The following CAP1 variants were observed in gnomAD, a reference collection of about 807,000 sequenced individuals.
CAP1 encodes the protein cyclase associated actin cytoskeleton regulatory protein 1, also known as adenylyl cyclase-associated protein 1.
CAP1 carries 11 observed loss-of-function variants against 58.2 expected under a neutral mutation model. That is an observed-to-expected ratio of 0.19 (90% CI 0.12 to 0.31). CAP1 has a LOEUF of 0.31. Ranked by LOEUF, CAP1 falls within the 10% of genes least tolerant of loss-of-function variation. The pLI is 1.00. For synonymous variants in CAP1, 183 were observed against 213.8 expected (o/e 0.86, Z 1.26); for missense variants, 423 against 587.5 (o/e 0.72, Z 2.89).
At chr1:40,049,099 T>C (rs1295713587) in intron 1 of CAP1, among the ~76,000 whole-genome samples, 2 of 151,338 alleles carry the variant, frequency 1.3e-5, no homozygotes, top group African/African-American at 2.4e-5. Context: ...CTTCCTTGAA[T>C]AGGCAGAAGG....
At chr1:40,054,368 G>A (rs552170948) in intron 1 of CAP1, among the ~76,000 whole-genome samples, 2 of 151,904 alleles carry the variant, frequency 1.3e-5, no homozygotes, top group African/African-American at 4.8e-5. Context: ...GTAGAGACGA[G>A]GTTTCACTGT....
At chr1:40,047,923 C>T (rs139482336) in intron 1 of CAP1, among the ~76,000 whole-genome samples, 1 of 152,114 alleles carries the variant, frequency 6.6e-6, no homozygotes, top group Admixed American at 6.6e-5. Context: ...AGAAGATAGG[C>T]CTTTCTTTTA....
intron 1 of CAP1, among the ~76,000 whole-genome samples, chr1:40,055,343 C>T (rs1390696309): frequency 6.6e-6 from 1 of 151,814 alleles, no homozygotes; most frequent in Non-Finnish European, 1.5e-5. Context: ...AATATCATAT[C>T]TTAAATGCAA....
intron 1 of CAP1, among the ~76,000 whole-genome samples, chr1:40,047,632 T>G (rs1436609180): frequency 6.6e-6 from 1 of 152,224 alleles, no homozygotes; most frequent in Non-Finnish European, 1.5e-5. Flanking sequence ...AATCAGCCAA[T>G]GCAGTTTTCC....
At chr1:40,067,822 G>GAGTCTCC in intron 8 of CAP1, 105 bp downstream of exon 8, 2 of 781,296 alleles carry the variant, frequency 2.6e-6, no homozygotes, top group Non-Finnish European at 4.1e-6. Context: ...GTGTGGTGGA[G>GAGTCTCC]ACTCGTTTGG....
chr1:40,052,401 T>G (rs2124257848), intron 1 of CAP1, among the ~76,000 whole-genome samples: 1 of 152,332 alleles, frequency 6.6e-6, no homozygotes, highest in South Asian at 2.1e-4. Context: ...CTGAAGCTTT[T>G]ATGATGAATG....
In CAP1 at chr1:40,056,323, G is replaced by T. The variant is rs188155878; in HGVS notation, c.-10-3014G>T. 7.0e-3 allele frequency among the ~76,000 whole-genome samples: 1,059 copies of T among 150,948 alleles called. 10 individuals carry two copies. The highest frequency in any genetic ancestry group is 0.03 in the South Asian group (143 of 4,772). The stretch of plus-strand genomic sequence containing the variant: ...GGATTTTTTTTTTTTTGGAGACAGG[G>T]TCTCACTCTGTCACCCAGGCTGGAG... On this transcript the variant is annotated intron_variant, in intron 1 of 12. Coordinates refer to ENST00000372805, the MANE Select transcript of CAP1 (RefSeq NM_006367.4).
intron 1 of CAP1, chr1:40,057,548 A>G (rs1570386282): frequency 6.6e-6 from 1 of 151,648 alleles, no homozygotes; most frequent in East Asian, 1.9e-4. Flanking sequence ...TTTAAACAAC[A>G]CTCTCTGACA....
At chr1:40,055,674 A>AT (rs1239925465) in intron 1 of CAP1, among the ~76,000 whole-genome samples, 1 of 152,022 alleles carries the variant, frequency 6.6e-6, no homozygotes, top group Admixed American at 6.6e-5. Flanking sequence ...GCTTGGAAAA[A>AT]TTTTAAATTA....
At chr1:40,049,178 A>ATTTTTTTTTTTTTTTTTTTTTT (rs72214452) in intron 1 of CAP1, among the ~76,000 whole-genome samples, 13 of 84,886 alleles carry the variant, frequency 1.5e-4, no homozygotes, top group Admixed American at 1.7e-4. Flanking sequence ...GCCATTTCTA[A>ATTTTTTTTTTTTTTTTTTTTTT]TTTTTTTTTT....
At chr1:40,067,453 T>A (rs946736425) in intron 7 of CAP1, 87 bp from the exon 8 acceptor site, 1 of 1,175,302 alleles carries the variant, frequency 8.5e-7, no homozygotes, top group Non-Finnish European at 1.2e-6. Context: ...GGGGACCCCA[T>A]GTGCACTGGC....
intron 8 of CAP1, among the ~76,000 whole-genome samples, chr1:40,068,285 T>G (rs1407969507): frequency 1.3e-5 from 2 of 152,184 alleles, no homozygotes; most frequent in Non-Finnish European, 2.9e-5. Context: ...TTTTTTATTT[T>G]TTTTGAGACG....
intron 1 of CAP1, among the ~76,000 whole-genome samples, chr1:40,055,478 A>G (rs1646572793): frequency 6.6e-6 from 1 of 152,210 alleles, no homozygotes; most frequent in Admixed American, 6.5e-5. Context: ...GAGACTAGCC[A>G]AGAAGTCATT....
intron 8 of CAP1, among the ~76,000 whole-genome samples, chr1:40,069,353 T>G (rs1295734672): frequency 6.6e-6 from 1 of 151,992 alleles, no homozygotes; most frequent in Non-Finnish European, 1.5e-5. Context: ...TTACCAAATT[T>G]TCTTTACTAC....
At chr1:40,043,619 G>A (rs1216806926) in intron 1 of CAP1, among the ~76,000 whole-genome samples, 1 of 152,186 alleles carries the variant, frequency 6.6e-6, no homozygotes, top group East Asian at 1.9e-4. Context: ...ACTCACGCCT[G>A]TAATCCTGAC....
At chr1:40,057,917 C>A (rs1646685345) in intron 1 of CAP1, among the ~76,000 whole-genome samples, 1 of 152,168 alleles carries the variant, frequency 6.6e-6, no homozygotes, top group Non-Finnish European at 1.5e-5. Context: ...GTGCATTGAT[C>A]ATATTTTACA....
At chr1:40,069,445 G>T in intron 8 of CAP1, 1 of 381,586 alleles carries the variant, frequency 2.6e-6, no homozygotes, top group Non-Finnish European at 4.7e-6. Context: ...AGAGGATAAG[G>T]ATTTACATAT....
At chr1:40,053,467 TG>T (rs1426609638) in intron 1 of CAP1, among the ~76,000 whole-genome samples, 1 of 152,102 alleles carries the variant, frequency 6.6e-6, no homozygotes, top group African/African-American at 2.4e-5. Flanking sequence ...TTTTTTTTTT[TG>T]AGATGGAGTT....
intron 1 of CAP1, among the ~76,000 whole-genome samples, chr1:40,056,755 A>T (rs1270156451): frequency 6.6e-6 from 1 of 152,058 alleles, no homozygotes; most frequent in Non-Finnish European, 1.5e-5. Context: ...GTACATGACC[A>T]CCGGAAGAAT....
Sources: allele counts gnomAD v4.1 joint callset (sites outside exome capture counted in the v4.1 genomes callset), GRCh38; gene constraint gnomAD v4.1.1; transcripts MANE v1.5; gene names NCBI Gene and HGNC (gene_info 2026-07-23, HGNC 2026-07-21).